Variants in GOLGA6B observed in about 807,000 individuals in gnomAD.
GOLGA6B encodes golgin A6 family member B, also known as golgin subfamily A member 6B.
In GOLGA6B, 11 loss-of-function variants were observed where a neutral mutation model predicts 63.0. That is an observed-to-expected ratio of 0.17 (90% CI 0.11 to 0.29). The LOEUF is 0.29. GOLGA6B is among the 10% of genes least tolerant of loss of function. The probability of loss-of-function intolerance (pLI) is 1.00; values close to 1 mark genes in which losing one functional copy is unlikely to be tolerated. For synonymous variants in GOLGA6B, 46 were observed against 232.6 expected, an observed-to-expected ratio of 0.20 and a Z score of 7.30; for missense variants, 134 against 563.8, an observed-to-expected ratio of 0.24 and a Z score of 7.72.
intron 10 of GOLGA6B, among the ~76,000 whole-genome samples, 156 bp from the exon 11 acceptor site, chr15:72,662,096 T>C (rs1486406012): frequency 2.3e-4 from 24 of 104,272 alleles, no homozygotes; most frequent in African/African-American, 6.4e-4. Flanking sequence ...TTGGCTACCA[T>C]TGGGTGCGAG....
rs540933275 is a variant in GOLGA6B, at chr15:72,664,852, C to T, written c.1502-92C>T. 3.4e-5 allele frequency: 16 copies of T among 471,404 alleles called. 1 individual carries two copies. Among genetic ancestry groups the T allele is most frequent in the South Asian group, 8.4e-5 (4 of 47,762 alleles). The allele number at this position is 471,404 out of a possible 1,614,324, so 29.2% of individuals were successfully genotyped here. A position where few individuals can be genotyped will look rare whatever the true frequency, so the allele number is the denominator to read the frequency against. On this transcript the variant is annotated intron_variant, in intron 13 of 17. Coordinates refer to ENST00000421285, the MANE Select transcript of GOLGA6B (RefSeq NM_018652.5). ...ACTCCCCTCTGGGGAGAGGCTGGCT[C>T]AGGGTTACACAGTCAGGGTGGGGAC...
chr15:72,662,185 T>C, intron 10 of GOLGA6B, 67 bp from the exon 11 acceptor site: 3 of 1,333,156 alleles, frequency 2.3e-6, no homozygotes, highest in Non-Finnish European at 3.0e-6. Flanking sequence ...TTTTTTTTTT[T>C]TTGAGGGGGA....
At chr15:72,664,093 A>G (rs2554754) in intron 12 of GOLGA6B, among the ~76,000 whole-genome samples, 4,472 of 128,238 alleles carry the variant, frequency 0.035, 218 homozygotes, top group African/African-American at 0.11. Context: ...GAAGCCAGCC[A>G]CCATGTGCCC....
chr15:72,662,523 G>A lies in GOLGA6B; in HGVS notation c.1119G>A (p.Thr373=), dbSNP rs201546063. ...QNERLREQQK[T]LQEQGERLRK... is the part of the protein sequence containing the mutation. ...AGAGGCTTCGGGAGCAGCAGAAGAC[G>A]CTACAGGAGCAGGGTGAGAGGCTGC... Residue 373 remains threonine, a synonymous_variant, in exon 11 of 18, where the codon ACG becomes ACA. Coordinates refer to ENST00000421285, the MANE Select transcript of GOLGA6B (RefSeq NM_018652.5). 163 of 1,451,412 alleles carry A rather than the reference G, an allele frequency of 1.1e-4. 11 individuals are homozygous for A. The highest frequency in any genetic ancestry group is 6.9e-4 in the Middle Eastern group (3 of 4,350). 89.9% of individuals were successfully genotyped at this position (1,451,412 alleles called of 1,614,324 possible).
At position 72,662,281 on chromosome 15, in the gene GOLGA6B, G is replaced by T. The variant is rs775370545; in HGVS notation, c.877G>T (p.Val293Leu). The change falls in exon 11 of 18, where the codon GTG (valine) becomes TTG (leucine). Residue 293 changes from valine (V) to leucine (L), a missense_variant. Coordinates refer to ENST00000421285, the MANE Select transcript of GOLGA6B (RefSeq NM_018652.5). ...AKPPSLAPPA[V>L]TSVVEQLQDE... ...GCCCCCATCCCTGGCGCCCCCAGCAGTGACCTCTGTGGTGGAACAGCTACA... is the reference window on the plus strand; with the variant it reads ...GCCCCCATCCCTGGCGCCCCCAGCATTGACCTCTGTGGTGGAACAGCTACA... The T allele has an allele frequency of 3.4e-5, 47 of 1,385,976 alleles. 5 individuals carry two copies. Among genetic ancestry groups the T allele is most frequent in the Non-Finnish European group, 4.2e-5 (43 of 1,023,856 alleles). 85.9% of individuals were successfully genotyped at this position (1,385,976 alleles called of 1,614,324 possible).
rs1567378667 is a variant in GOLGA6B at position 72,663,047 on chromosome 15, AAAAG to A, written c.1369_1372del (p.Lys457AlafsTer9). The A allele has an allele frequency of 1.3e-6, 1 of 743,442 alleles. No individual in the cohort carries two copies. The highest frequency in any genetic ancestry group is 2.0e-5 in the African/African-American group (1 of 48,898). 46.1% of individuals were successfully genotyped at this position (743,442 alleles called of 1,614,324 possible). A position where few individuals can be genotyped will look rare whatever the true frequency, so the allele number is the denominator to read the frequency against. On this transcript the variant is annotated frameshift_variant, in exon 12 of 18. Coordinates refer to ENST00000421285, the MANE Select transcript of GOLGA6B (RefSeq NM_018652.5). LOFTEE classifies it high-confidence loss of function. ...CTTCTCTCTGTCCAGAACAACGAGA[AAAAG>A]AGCGCACTGCAGTTGGAGCAGCAAG... is the stretch of plus-strand genomic sequence containing the variant.
In GOLGA6B at chr15:72,669,335, T is replaced by C; in HGVS notation, c.*2993T>C. ...TTCATAAGTGTAACTGCTATCTTAATGTTTTGAAATAAGTTAAAACACTTT... is the reference window on the plus strand; with the variant it reads ...TTCATAAGTGTAACTGCTATCTTAACGTTTTGAAATAAGTTAAAACACTTT... On this transcript the variant is annotated 3_prime_UTR_variant, in exon 18 of 18. Coordinates refer to ENST00000421285, the MANE Select transcript of GOLGA6B (RefSeq NM_018652.5). Among the ~76,000 whole-genome samples, 1 of 152,202 alleles carries C rather than the reference T, an allele frequency of 6.6e-6. No homozygotes were observed. The highest frequency in any genetic ancestry group is 1.5e-5 in the Non-Finnish European group (1 of 68,036).
In GOLGA6B at chr15:72,662,375, A is replaced by G; in HGVS notation, c.971A>G (p.Asn324Ser). The change falls in exon 11 of 18, where the codon AAC becomes AGC. Residue 324 changes from asparagine (N) to serine (S), a missense_variant. Coordinates refer to ENST00000421285, the MANE Select transcript of GOLGA6B (RefSeq NM_018652.5). The part of the protein sequence containing the change: ...LEGKLQSQVE[N>S]NQALSLLSKE... The stretch of plus-strand genomic sequence containing the variant: ...GGAAAGCTCCAATCCCAGGTGGAAA[A>G]CAATCAGGCCTTGAGTCTCCTTAGC... 1 of 1,391,634 alleles carries G rather than the reference A, an allele frequency of 7.2e-7. No homozygotes were observed. The highest frequency in any genetic ancestry group is 9.7e-7 in the Non-Finnish European group (1 of 1,025,780). The allele number at this position is 1,391,634 out of a possible 1,614,324, so 86.2% of individuals were successfully genotyped here.
At chr15:72,660,955 T>G (rs1308419730) in intron 7 of GOLGA6B, among the ~76,000 whole-genome samples, 1 of 150,716 alleles carries the variant, frequency 6.6e-6, no homozygotes, top group African/African-American at 2.5e-5. Flanking sequence ...ATGGTGGTTG[T>G]GAGGATTAAA....
Position 72,668,310 on chromosome 15 carries a change from C to T in GOLGA6B, c.*1968C>T, listed in dbSNP as rs1472546373. Among the ~76,000 whole-genome samples, 3 of 102,134 alleles carry T rather than the reference C, an allele frequency of 2.9e-5. No homozygotes were observed. Among genetic ancestry groups the T allele is most frequent in the Non-Finnish European group, 3.6e-5 (2 of 55,116 alleles). 67.0% of individuals were successfully genotyped at this position (102,134 alleles called of 152,430 possible). A position where few individuals can be genotyped will look rare whatever the true frequency, so the allele number is the denominator to read the frequency against. Reference sequence around the variant, plus strand: ...GTCCTTGTGACTTCAACTGACTCTTCCAAATTGTATGAATTTATCAATGTA... The same window carrying T: ...GTCCTTGTGACTTCAACTGACTCTTTCAAATTGTATGAATTTATCAATGTA... On this transcript the variant is annotated 3_prime_UTR_variant, in exon 18 of 18. Transcript: ENST00000421285.
At position 72,662,268 on chromosome 15, in the gene GOLGA6B, G is replaced by C; in HGVS notation, c.864G>C (p.Leu288=). The change falls in exon 11 of 18, where the codon CTG becomes CTC. Residue 288 remains leucine, a synonymous_variant. Transcript: ENST00000421285. ...ATTTCTCAGCTAAGCCCCCATCCCT[G>C]GCGCCCCCAGCAGTGACCTCTGTGG... ...LKNQMAKPPS[L]APPAVTSVVE... The C allele has an allele frequency of 7.2e-7, 1 of 1,382,610 alleles. No individual in the cohort carries two copies. The highest frequency in any genetic ancestry group is 2.6e-5 in the East Asian group (1 of 37,944). 85.6% of individuals were successfully genotyped at this position (1,382,610 alleles called of 1,614,324 possible).
rs1013004168 is a variant in GOLGA6B, at chr15:72,669,558, G to A, written c.*3216G>A. Among the ~76,000 whole-genome samples the A allele has an allele frequency of 6.6e-6, 1 of 152,188 alleles. No individual in the cohort carries two copies. Among genetic ancestry groups the A allele is most frequent in the Admixed American group, 6.5e-5 (1 of 15,286 alleles). ...TAAAGTGGCATTGTTGACTGCTACT[G>A]TGATGCTACTGTAATGTAATAAATT... On this transcript the variant is annotated 3_prime_UTR_variant, in exon 18 of 18. Transcript: ENST00000421285.
chr15:72,657,250 G>GTTT (rs1337585328), intron 2 of GOLGA6B, among the ~76,000 whole-genome samples: 1 of 66,260 alleles, frequency 1.5e-5, no homozygotes, highest in Non-Finnish European at 2.9e-5. Flanking sequence ...TCAGGAGTCT[G>GTTT]TTTTTTTTTA....
rs1392190479 is a variant in GOLGA6B, at chr15:72,664,146, G to A, written c.1426-290G>A. The stretch of plus-strand genomic sequence containing the variant: ...CTGCAGGTGGAGCTGAAGAGCCAAG[G>A]GTCTCAGAGTCTGCAGCAGCAGCGA... On this transcript the variant is annotated intron_variant, in intron 12 of 17. Coordinates refer to ENST00000421285, the MANE Select transcript of GOLGA6B (RefSeq NM_018652.5). 9.5e-4 allele frequency among the ~76,000 whole-genome samples: 124 copies of A among 130,022 alleles called. 9 individuals are homozygous for A. The highest frequency in any genetic ancestry group is 6.7e-3 in the East Asian group (28 of 4,154). The allele number at this position is 130,022 out of a possible 152,430, so 85.3% of individuals were successfully genotyped here.
chr15:72,664,251 A>C lies in GOLGA6B; in HGVS notation c.1426-185A>C, dbSNP rs1412405586. Among the ~76,000 whole-genome samples, 7 of 130,320 alleles carry C rather than the reference A, an allele frequency of 5.4e-5. 1 individual carries two copies. The highest frequency in any genetic ancestry group is 1.2e-4 in the Non-Finnish European group (7 of 57,644). The allele number at this position is 130,320 out of a possible 152,430, so 85.5% of individuals were successfully genotyped here. On this transcript the variant is annotated intron_variant, in intron 12 of 17. Coordinates refer to ENST00000421285, the MANE Select transcript of GOLGA6B (RefSeq NM_018652.5). ...TCTGAGAAGGAGGCGCTGCACAGGC[A>C]GTTACTGCTGCAGACCCAGCTCGTG...
chr15:72,655,962 A>AG (rs1291523545), intron 1 of GOLGA6B, among the ~76,000 whole-genome samples: 7 of 151,688 alleles, frequency 4.6e-5, no homozygotes, highest in African/African-American at 1.7e-4. Flanking sequence ...CTCTTGAGAG[A>AG]GAAAAAACAT....
chr15:72,666,248 A>T lies in GOLGA6B; in HGVS notation c.1988A>T (p.Glu663Val). The change falls in exon 18 of 18, where the codon GAG becomes GTG. Residue 663 changes from glutamate (E) to valine (V), a missense_variant. Glu to Val is a moderately radical substitution (Grantham distance 121). Coordinates refer to ENST00000421285, the MANE Select transcript of GOLGA6B (RefSeq NM_018652.5). The stretch of plus-strand genomic sequence containing the variant: ...GAAGTGAGCCTGGACAACAACGTGG[A>T]GCCTGCACCAGGAGCGGCCAGGGAG... ...FYEVSLDNNV[E>V]PAPGAAREGS... is the part of the protein sequence containing the mutation. 1.2e-6 allele frequency: 2 copies of T among 1,603,856 alleles called. No individual in the cohort carries two copies. Among genetic ancestry groups the T allele is most frequent in the South Asian group, 1.1e-5 (1 of 90,432 alleles).
In GOLGA6B at chr15:72,662,448, G is replaced by A. The variant is rs377567997; in HGVS notation, c.1044G>A (p.Glu348=). The A allele has an allele frequency of 2.2e-6, 3 of 1,394,002 alleles. 1 individual carries two copies. Among genetic ancestry groups the A allele is most frequent in the Admixed American group, 1.9e-5 (1 of 52,474 alleles). 86.4% of individuals were successfully genotyped at this position (1,394,002 alleles called of 1,614,324 possible). The change falls in exon 11 of 18, where the codon GAG becomes GAA. Residue 348 remains glutamate, a synonymous_variant. Transcript: ENST00000421285. ...RLQEQEEMLR[E]QEVQRVREQE... is the part of the protein sequence containing the mutation. The stretch of plus-strand genomic sequence containing the variant: ...AGGAGCAGGAGGAGATGCTCCGAGA[G>A]CAGGAGGTGCAGAGAGTGCGGGAGC...
At chr15:72,657,297 G>C in intron 2 of GOLGA6B, among the ~76,000 whole-genome samples, 1 of 115,704 alleles carries the variant, frequency 8.6e-6, no homozygotes, top group Non-Finnish European at 1.8e-5. Context: ...CAGATTCATC[G>C]CCCATGTCCT....
Sources: allele counts gnomAD v4.1 joint callset (sites outside exome capture counted in the v4.1 genomes callset), GRCh38; gene constraint gnomAD v4.1.1; transcripts MANE v1.5; gene names NCBI Gene and HGNC (gene_info 2026-07-23, HGNC 2026-07-21).